The following GALNT10 variants were observed in gnomAD, a reference collection of about 807,000 sequenced individuals.
GALNT10 encodes GalNAc transferase 10.
In GALNT10, 41 loss-of-function variants were observed where a neutral mutation model predicts 75.0. That is an observed-to-expected ratio of 0.55 (90% CI 0.43 to 0.71). GALNT10 has a LOEUF of 0.71. GALNT10 is among the 30% of genes least tolerant of loss of function. The probability of loss-of-function intolerance (pLI) is 0.00; values close to 1 mark genes in which losing one functional copy is unlikely to be tolerated. For missense variants in GALNT10, 727 were observed against 818.5 expected, an observed-to-expected ratio of 0.89 and a Z score of 1.36; for synonymous variants, 302 against 313.0, an observed-to-expected ratio of 0.96 and a Z score of 0.37.
chr5:154,216,440 T>G (rs938446746), intron 1 of GALNT10, among the ~76,000 whole-genome samples: 1 of 152,204 alleles, frequency 6.6e-6, no homozygotes, highest in Non-Finnish European at 1.5e-5. Flanking sequence ...AAAAAGATTT[T>G]TTTTAGCATT....
intron 1 of GALNT10, among the ~76,000 whole-genome samples, chr5:154,210,929 G>T (rs1775186784): frequency 6.6e-6 from 1 of 152,116 alleles, no homozygotes; most frequent in Non-Finnish European, 1.5e-5. Context: ...CTCACAAATG[G>T]CTTAGAAAAA....
intron 1 of GALNT10, among the ~76,000 whole-genome samples, chr5:154,237,892 A>G (rs1753271039): frequency 6.6e-6 from 1 of 152,180 alleles, no homozygotes; most frequent in African/African-American, 2.4e-5. Flanking sequence ...AGATTTCTCC[A>G]CCGCACCATG....
intron 1 of GALNT10, among the ~76,000 whole-genome samples, chr5:154,203,100 A>G (rs553877530): frequency 1.3e-5 from 2 of 152,324 alleles, no homozygotes; most frequent in South Asian, 4.1e-4. Flanking sequence ...TCTCTGTAGC[A>G]GTTAAGGGCG....
chr5:154,359,927 G>A (rs1184902945), intron 4 of GALNT10, among the ~76,000 whole-genome samples: 1 of 151,814 alleles, frequency 6.6e-6, no homozygotes, highest in African/African-American at 2.4e-5. Flanking sequence ...GGGCAATTTG[G>A]AAGTATCAAA....
In GALNT10 at chr5:154,376,336, C is replaced by A; in HGVS notation, c.628C>A (p.Arg210=). 1 of 1,612,120 alleles carries A rather than the reference C, an allele frequency of 6.2e-7. No individual in the cohort carries two copies. Among genetic ancestry groups the A allele is most frequent in the Admixed American group, 1.7e-5 (1 of 59,686 alleles). The change falls in exon 5 of 12, where the codon CGA becomes AGA. Residue 210 remains arginine, a synonymous_variant. Transcript: ENST00000297107. The surrounding 1 kb of genome is among the most constrained non-coding windows in gnomAD (Gnocchi z 4.1). ...MALFPSVRIL[R]TKKREGLIRT... ...CCTTTTCCCCAGTGTGAGGATTCTT[C>A]GAACCAAGAAACGGGAAGGGCTGAT...
rs371395496 is a variant in GALNT10, at chr5:154,404,138, C to T, written c.1091C>T (p.Pro364Leu). Residue 364 changes from proline (P) to leucine (L), a missense_variant, in exon 8 of 12, where the codon CCC becomes CTC. Transcript: ENST00000297107. ...TGTGGGGGCCGCATGGAGGACATCC[C>T]CTGCTCCAGGGTGGGCCATATCTAC... is the stretch of plus-strand genomic sequence containing the variant. ...WMCGGRMEDI[P>L]CSRVGHIYRK... The T allele has an allele frequency of 3.7e-6, 6 of 1,613,702 alleles. No homozygotes were observed. The highest frequency in any genetic ancestry group is 4.2e-6 in the Non-Finnish European group (5 of 1,179,770).
At chr5:154,252,589 G>C (rs974062663) in intron 1 of GALNT10, among the ~76,000 whole-genome samples, 1 of 150,764 alleles carries the variant, frequency 6.6e-6, no homozygotes, top group Non-Finnish European at 1.5e-5. Context: ...TTTTTTTCTA[G>C]ATATCTAAAA....
intron 4 of GALNT10, among the ~76,000 whole-genome samples, chr5:154,363,625 G>GT (rs1487681335): frequency 6.6e-6 from 1 of 152,010 alleles, no homozygotes; most frequent in Non-Finnish European, 1.5e-5. Flanking sequence ...TATTAACAGG[G>GT]TGGGCACACC....
intron 1 of GALNT10, among the ~76,000 whole-genome samples, chr5:154,222,033 T>C (rs986438099): frequency 2.0e-5 from 3 of 152,134 alleles, no homozygotes; most frequent in Non-Finnish European, 4.4e-5. Flanking sequence ...TTTTAACATA[T>C]ATATAAACCT....
At chr5:154,405,349 G>A (rs1167049820) in intron 8 of GALNT10, among the ~76,000 whole-genome samples, 1 of 152,214 alleles carries the variant, frequency 6.6e-6, no homozygotes, top group Admixed American at 6.5e-5. Context: ...AAGTGTCAGG[G>A]GCCGCGTGGA....
Position 154,376,640 on chromosome 5 carries a change from G to A in GALNT10, c.754+178G>A, listed in dbSNP as rs1755655026. 6.6e-6 allele frequency among the ~76,000 whole-genome samples: 1 copy of A among 152,150 alleles called. No homozygotes were observed. Among genetic ancestry groups the A allele is most frequent in the South Asian group, 2.1e-4 (1 of 4,816 alleles). ...CAGGAGTGCTCAAAATTAAAATCCA[G>A]CCAGTCCTGTCCCTTCATTTCACAG... On this transcript the variant is annotated intron_variant, in intron 5 of 11. Coordinates refer to ENST00000297107, the MANE Select transcript of GALNT10 (RefSeq NM_198321.4). This position sits in a 1 kb window ranked among gnomAD's most constrained non-coding sequence, Gnocchi z 4.1.
intron 1 of GALNT10, among the ~76,000 whole-genome samples, chr5:154,193,714 A>G (rs995161563): frequency 2.6e-5 from 4 of 152,236 alleles, no homozygotes; most frequent in Non-Finnish European, 5.9e-5. Flanking sequence ...TTTGAGAGTA[A>G]CATATCCACT....
intron 3 of GALNT10, among the ~76,000 whole-genome samples, chr5:154,315,818 A>G (rs1323687831): frequency 5.3e-5 from 8 of 152,226 alleles, no homozygotes; most frequent in Non-Finnish European, 1.2e-4. Flanking sequence ...TGATCAGCAT[A>G]TAAATTCCTT....
intron 3 of GALNT10, among the ~76,000 whole-genome samples, chr5:154,323,748 G>A (rs190002618): frequency 6.6e-6 from 1 of 152,324 alleles, no homozygotes; most frequent in Admixed American, 6.5e-5. Context: ...CCTCCTCGCA[G>A]GCTTGTCTTG....
At chr5:154,327,040 AC>A (rs900580654) in intron 3 of GALNT10, among the ~76,000 whole-genome samples, 5 of 152,124 alleles carry the variant, frequency 3.3e-5, no homozygotes, top group Admixed American at 6.5e-5. Context: ...ACTTGGTGAA[AC>A]CTTGTCTCTA....
chr5:154,337,910 G>T, intron 4 of GALNT10: 1 of 1,371,706 alleles, frequency 7.3e-7, no homozygotes, highest in Non-Finnish European at 1.0e-6. Flanking sequence ...CTTTACATTT[G>T]TGGCCATTCA....
rs1561676034 is a variant in GALNT10 at position 154,376,959 on chromosome 5, CT to C, written c.754+498del. On this transcript the variant is annotated intron_variant, in intron 5 of 11. Coordinates refer to ENST00000297107, the MANE Select transcript of GALNT10 (RefSeq NM_198321.4). This position sits in a 1 kb window ranked among gnomAD's most constrained non-coding sequence, Gnocchi z 4.1. ...TAAAACAAACTAAGATTCTGAGATA[CT>C]GAAGACTCACTTGTCCCCTTGAGCC... Among the ~76,000 whole-genome samples, 1 of 152,228 alleles carries C rather than the reference CT, an allele frequency of 6.6e-6. No individual in the cohort carries two copies. The highest frequency in any genetic ancestry group is 6.5e-5 in the Admixed American group (1 of 15,292).
chr5:154,278,910 T>TCA (rs776149064), intron 1 of GALNT10, among the ~76,000 whole-genome samples: 5 of 152,232 alleles, frequency 3.3e-5, no homozygotes, highest in Non-Finnish European at 7.3e-5. Flanking sequence ...ATATTCCATT[T>TCA]TATATATATG....
chr5:154,275,680 G>A (rs78919325), intron 1 of GALNT10, among the ~76,000 whole-genome samples: 16,321 of 152,264 alleles, frequency 0.11, 1,160 homozygotes, highest in Non-Finnish European at 0.15. Flanking sequence ...GACTGGTGAG[G>A]TGGTGCTGGC....
Sources: gnomAD v4.1 joint callset for allele counts (sites outside exome capture counted in the v4.1 genomes callset) on GRCh38, gnomAD v4.1.1 for gene constraint, Gnocchi (gnomAD v3.1) non-coding constraint, MANE v1.5 for transcripts, NCBI Gene and HGNC (gene_info 2026-07-23, HGNC 2026-07-21) for gene names.